OR51B5: variants seen among roughly 807,000 people sequenced by gnomAD.
The protein encoded by OR51B5 is olfactory receptor 51B5.
For missense variants in OR51B5, 456 were observed against 374.6 expected (o/e 1.22, Z -1.79); for synonymous variants, 186 against 144.8 (o/e 1.28, Z -2.04).
At chr11:5,380,000 A>T (rs1256478545) in intron 1 of OR51B5, among the ~76,000 whole-genome samples, 1 of 131,288 alleles carries the variant, frequency 7.6e-6, no homozygotes, top group Non-Finnish European at 1.6e-5. Context: ...AAAAAAAAAA[A>T]ATAAGCTACC....
intron 1 of OR51B5, among the ~76,000 whole-genome samples, chr11:5,464,932 C>T (rs61892073): frequency 0.14 from 20,993 of 152,118 alleles, 1,733 homozygotes; most frequent in East Asian, 0.37. Context: ...ATTGGCTGGG[C>T]GCGGTGGCTC....
At position 5,426,238 on chromosome 11, in the gene OR51B5, G is replaced by A. The variant is rs1422605840; in HGVS notation, n.85-79328C>T. ...GTGAAGTGTTGAATAGGTGAAGCTC[G>A]AGGATTTTATTTTTTAGGGTGGTGG... On this transcript the variant is annotated intron_variant and non_coding_transcript_variant, in intron 1 of 4. Transcript: ENST00000415970. Among the ~76,000 whole-genome samples, 9 of 152,250 alleles carry A rather than the reference G, an allele frequency of 5.9e-5. No individual in the cohort carries two copies. In the East Asian group the frequency reaches 1.4e-3, roughly 23 times the overall value.
chr11:5,503,243 C>A (rs960075162), intron 1 of OR51B5, among the ~76,000 whole-genome samples: 1 of 152,110 alleles, frequency 6.6e-6, no homozygotes, highest in Admixed American at 6.6e-5. Context: ...ATTGCATGAG[C>A]ATCTATTAAC....
rs752205284 is a variant in OR51B5, at chr11:5,453,853, G to A, written n.84+51716C>T. On this transcript the variant is annotated intron_variant and non_coding_transcript_variant, in intron 1 of 4. Coordinates refer to the OR51B5 transcript ENST00000415970. The stretch of plus-strand genomic sequence containing the variant: ...ATTCTGCTGGCCATGAGTTTTGACC[G>A]CTATGTGGCCATTTGTGACCCCTTG... The A allele has an allele frequency of 3.4e-5, 55 of 1,614,074 alleles. No homozygotes were observed. Among genetic ancestry groups the A allele is most frequent in the South Asian group, 1.4e-4 (13 of 91,092 alleles).
At chr11:5,465,835 G>A (rs539205879) in intron 1 of OR51B5, among the ~76,000 whole-genome samples, 6 of 150,026 alleles carry the variant, frequency 4.0e-5, no homozygotes, top group Non-Finnish European at 8.9e-5. Flanking sequence ...TTAAACGTTA[G>A]ACCTAAAACC....
intron 1 of OR51B5, among the ~76,000 whole-genome samples, chr11:5,489,971 T>C (rs576015645): frequency 1.3e-5 from 2 of 152,264 alleles, no homozygotes. Flanking sequence ...GATTTAAGAG[T>C]AGGAATATTC....
At chr11:5,373,832 C>T (rs984839032) in intron 1 of OR51B5, among the ~76,000 whole-genome samples, 3 of 152,214 alleles carry the variant, frequency 2.0e-5, no homozygotes, top group African/African-American at 7.2e-5. Context: ...CCAGGAAGCT[C>T]AAACTGGGTG....
chr11:5,342,915 T>C lies in OR51B5; in HGVS notation c.610A>G (p.Ile204Val). 2.5e-6 allele frequency: 4 copies of C among 1,613,732 alleles called. No homozygotes were observed. The South Asian group carries it at 3.3e-5, about 13-fold the overall frequency. Reference sequence around the variant, plus strand: ...ATAATCAGATAATCCAGCACAAATATAAAGACTACAAGCACAGCTGGGTAC... The same window carrying C: ...ATAATCAGATAATCCAGCACAAATACAAAGACTACAAGCACAGCTGGGTAC... The change falls in exon 1 of 1, where the codon ATA becomes GTA. Residue 204 changes from isoleucine to valine, a missense_variant. Transcript: ENST00000300773.
chr11:5,378,179 T>G (rs533550623), intron 1 of OR51B5, among the ~76,000 whole-genome samples: 1 of 151,954 alleles, frequency 6.6e-6, no homozygotes, highest in African/African-American at 2.4e-5. Context: ...TATCTGATCT[T>G]TGAAAAACCT....
chr11:5,456,680 G>C (rs1416531655), intron 1 of OR51B5, among the ~76,000 whole-genome samples: 1 of 152,180 alleles, frequency 6.6e-6, no homozygotes, highest in South Asian at 2.1e-4. Context: ...GCATGTCACC[G>C]GGGTTTGGTG....
At chr11:5,454,697 T>A (rs1850925278) in intron 1 of OR51B5, 2 of 264,956 alleles carry the variant, frequency 7.5e-6, no homozygotes, top group Non-Finnish European at 1.4e-5. Flanking sequence ...AGCTAGGAAT[T>A]ATTTTCTATA....
downstream of OR51B5, among the ~76,000 whole-genome samples, chr11:5,341,538 C>T (rs1848892764): frequency 1.3e-5 from 2 of 152,050 alleles, no homozygotes; most frequent in South Asian, 4.2e-4. Context: ...ACATAACCTC[C>T]CTCTTTTTAG....
intron 1 of OR51B5, among the ~76,000 whole-genome samples, chr11:5,464,422 A>C (rs1029344491): frequency 6.6e-6 from 1 of 151,346 alleles, no homozygotes; most frequent in Admixed American, 6.6e-5. Context: ...ATATCTCCCA[A>C]TGCTATCCCT....
At chr11:5,463,528 T>G (rs1270289070) in intron 1 of OR51B5, among the ~76,000 whole-genome samples, 1 of 152,234 alleles carries the variant, frequency 6.6e-6, no homozygotes, top group Non-Finnish European at 1.5e-5. Flanking sequence ...GCAGAGATAT[T>G]TCGTCACTAT....
In OR51B5 at chr11:5,362,922, G is replaced by C. The variant is rs74999876; in HGVS notation, n.85-16012C>G. 796 of 163,922 alleles carry C rather than the reference G, an allele frequency of 4.9e-3. 9 individuals carry two copies. Among genetic ancestry groups the C allele is most frequent in the African/African-American group, 0.018 (745 of 41,200 alleles). The allele number at this position is 163,922 out of a possible 1,614,324, so 10.2% of individuals were successfully genotyped here. ...TAAATTAAGTTTTCTTTCTATTGCTGGAAGTGTCCCGCCTGTTGCTTATAA... is the reference window on the plus strand; with the variant it reads ...TAAATTAAGTTTTCTTTCTATTGCTCGAAGTGTCCCGCCTGTTGCTTATAA... On this transcript the variant is annotated intron_variant and non_coding_transcript_variant, in intron 1 of 4. Coordinates refer to the OR51B5 transcript ENST00000415970.
At chr11:5,462,889 T>C (rs778271173) in intron 1 of OR51B5, among the ~76,000 whole-genome samples, 4 of 152,216 alleles carry the variant, frequency 2.6e-5, no homozygotes, top group Non-Finnish European at 5.9e-5. Flanking sequence ...GCATACAGTG[T>C]ATGAAGTCAT....
upstream of OR51B5, among the ~76,000 whole-genome samples, chr11:5,347,357 T>C (rs1490533899): frequency 1.3e-5 from 2 of 152,200 alleles, no homozygotes; most frequent in Admixed American, 1.3e-4. Flanking sequence ...CTAGAGTCAA[T>C]ATAATAAAAT....
intron 1 of OR51B5, among the ~76,000 whole-genome samples, chr11:5,399,414 A>G (rs1849933128): frequency 6.6e-6 from 1 of 152,240 alleles, no homozygotes; most frequent in African/African-American, 2.4e-5. Flanking sequence ...TTAAATATTT[A>G]GAGCCAGTCC....
intron 1 of OR51B5, among the ~76,000 whole-genome samples, chr11:5,479,427 T>C (rs1417643043): frequency 1.3e-5 from 2 of 151,674 alleles, no homozygotes; most frequent in Non-Finnish European, 2.9e-5. Context: ...GTAAAGACCA[T>C]TCAGACTAGG....
Sources: gnomAD v4.1 joint callset for allele counts (sites outside exome capture counted in the v4.1 genomes callset) on GRCh38, gnomAD v4.1.1 for gene constraint, MANE v1.5 for transcripts, NCBI Gene and HGNC (gene_info 2026-07-23, HGNC 2026-07-21) for gene names.